Variants in FKBP10 observed in about 807,000 individuals in gnomAD.
FKBP10 encodes the protein peptidyl-prolyl cis-trans isomerase FKBP10.
FKBP10 carries 34 observed loss-of-function variants against 53.7 expected under a neutral mutation model. The observed-to-expected ratio is 0.63, with a 90% CI of 0.48 to 0.84. FKBP10 has a LOEUF of 0.84. Among genes scored for constraint, FKBP10 ranks in the 40% least tolerant of loss-of-function variants. FKBP10 has a pLI of 0.00. For missense variants in FKBP10, 748 were observed against 797.8 expected (o/e 0.94, Z 0.75); for synonymous variants, 324 against 335.7 (o/e 0.97, Z 0.38).
chr17:41,819,821 A>T (rs945512792), intron 6 of FKBP10, 146 bp downstream of exon 6: 1 of 1,537,886 alleles, frequency 6.5e-7, no homozygotes, highest in Non-Finnish European at 8.8e-7. Context: ...TGGTCACCCC[A>T]TCTGATTCCT....
intron 4 of FKBP10, 127 bp downstream of exon 4, chr17:41,818,654 C>G (rs945878626): frequency 1.5e-6 from 2 of 1,304,374 alleles, no homozygotes; most frequent in Admixed American, 2.0e-5. Context: ...GGGATGAAAT[C>G]TACCCTTGGT....
chr17:41,821,665 C>T lies in FKBP10; in HGVS notation c.1411C>T (p.Pro471Ser), dbSNP rs781978984. ...TGCCCTCCCTCCAGCCCGGGGAGTCCCAGGCAGTGCTGTGCTGCTGTTTGA... is the reference window on the plus strand; with the variant it reads ...TGCCCTCCCTCCAGCCCGGGGAGTCTCAGGCAGTGCTGTGCTGCTGTTTGA... ...AHGESGARGV[P>S]GSAVLLFEVE... The change falls in exon 9 of 10, where the codon CCA (proline) becomes TCA (serine). Residue 471 changes from proline to serine, a missense_variant. Coordinates refer to ENST00000321562, the MANE Select transcript of FKBP10 (RefSeq NM_021939.4). The T allele has an allele frequency of 3.1e-6, 5 of 1,613,922 alleles. No individual in the cohort carries two copies. The highest frequency in any genetic ancestry group is 2.5e-6 in the Non-Finnish European group (3 of 1,179,996).
intron 9 of FKBP10, 79 bp downstream of exon 9, chr17:41,821,896 C>A (rs187589104): frequency 1.9e-6 from 3 of 1,573,052 alleles, no homozygotes; most frequent in African/African-American, 2.7e-5. Flanking sequence ...AGACGTCCCC[C>A]GTCCGGACTG....
At position 41,822,420 on chromosome 17, in the gene FKBP10, C is replaced by T. The variant is rs1555617411; in HGVS notation, c.*12C>T. The T allele has an allele frequency of 3.1e-6, 5 of 1,588,772 alleles. No individual in the cohort carries two copies. Among genetic ancestry groups the T allele is most frequent in the Non-Finnish European group, 4.3e-6 (5 of 1,167,340 alleles). On this transcript the variant is annotated 3_prime_UTR_variant, in exon 10 of 10. Coordinates refer to ENST00000321562, the MANE Select transcript of FKBP10 (RefSeq NM_021939.4). ...ACGAGGAGCTCTGAGGGGCAGGGAG[C>T]CTGGCCAGGCCTGAGACACAGAGGC... is the stretch of plus-strand genomic sequence containing the variant.
intron 6 of FKBP10, 66 bp from the exon 7 acceptor site, chr17:41,820,203 T>C (rs782744375): frequency 1.7e-5 from 26 of 1,547,876 alleles, no homozygotes; most frequent in South Asian, 1.3e-4. Flanking sequence ...GGGACCTCCA[T>C]GGAGAGACCT....
intron 2 of FKBP10, among the ~76,000 whole-genome samples, chr17:41,817,777 A>G (rs140530689): frequency 3.2e-3 from 484 of 151,018 alleles, no homozygotes; most frequent in Admixed American, 6.7e-3. Flanking sequence ...ACAGGTGCAC[A>G]CCACCACACG....
chr17:41,820,241 T>C (rs967232814), intron 6 of FKBP10, 28 bp from the exon 7 acceptor site: 31 of 1,612,876 alleles, frequency 1.9e-5, no homozygotes, highest in Non-Finnish European at 2.5e-5. Context: ...TGCTCTGAGC[T>C]GACCACACTC....
intron 2 of FKBP10, among the ~76,000 whole-genome samples, chr17:41,817,829 A>G (rs2047835075): frequency 6.6e-6 from 1 of 151,526 alleles, no homozygotes; most frequent in South Asian, 2.1e-4. Flanking sequence ...GGGTTTCGCC[A>G]TGTTGCGCAG....
chr17:41,822,767 TTC>T lies in FKBP10; in HGVS notation c.*363_*364del, dbSNP rs782601161. On this transcript the variant is annotated 3_prime_UTR_variant, in exon 10 of 10. Transcript: ENST00000321562. The stretch of plus-strand genomic sequence containing the variant: ...AGCTTGTTATCCATCTCCCCAAACT[TTC>T]TCTTTCTTTGTACTTCTTGTCATCC... 14 of 370,210 alleles carry T rather than the reference TTC, an allele frequency of 3.8e-5. No individual in the cohort carries two copies. The highest frequency in any genetic ancestry group is 6.5e-5 in the East Asian group (1 of 15,308). 22.9% of individuals were successfully genotyped at this position (370,210 alleles called of 1,614,324 possible).
intron 1 of FKBP10, among the ~76,000 whole-genome samples, chr17:41,816,659 C>T (rs2047819471): frequency 6.6e-6 from 1 of 152,120 alleles, no homozygotes; most frequent in Non-Finnish European, 1.5e-5. Context: ...ACAGGGGAGA[C>T]AAAGAAGATA....
At chr17:41,813,425 A>G (rs1351958151) in intron 1 of FKBP10, 146 bp downstream of exon 1, 3 of 1,023,908 alleles carry the variant, frequency 2.9e-6, no homozygotes, top group Non-Finnish European at 4.5e-6. Flanking sequence ...CATCTCCCCA[A>G]AGATACCCTC....
chr17:41,813,076 C>G lies in FKBP10; in HGVS notation c.42C>G (p.Leu14=). The change falls in exon 1 of 10, where the codon CTC becomes CTG. Residue 14 remains leucine (L), a synonymous_variant. Coordinates refer to ENST00000321562, the MANE Select transcript of FKBP10 (RefSeq NM_021939.4). ...CCCCCAGCCACAGCCTCCTCCGGCT[C>G]CCCCTGCTGCAGTTGCTGCTACTGG... ...AGPPSHSLLR[L]PLLQLLLLVV... 2 of 1,610,638 alleles carry G rather than the reference C, an allele frequency of 1.2e-6. No individual in the cohort carries two copies. Among genetic ancestry groups the G allele is most frequent in the Non-Finnish European group, 1.7e-6 (2 of 1,179,684 alleles).
At position 41,814,170 on chromosome 17, in the gene FKBP10, T is replaced by G. The variant is rs1341389288; in HGVS notation, c.245+891T>G. Among the ~76,000 whole-genome samples, 5 of 152,276 alleles carry G rather than the reference T, an allele frequency of 3.3e-5. No homozygotes were observed. In the South Asian group the frequency reaches 6.2e-4, roughly 19 times the overall value. ...ACAGCACACTGAAAGAAGTCAGTGT[T>G]TCTTAGACCCTCCTCTGAAACACAC... On this transcript the variant is annotated intron_variant, in intron 1 of 9. Transcript: ENST00000321562.
chr17:41,813,054 C>T lies in FKBP10; in HGVS notation c.20C>T (p.Pro7Leu), dbSNP rs545186456. Reference protein sequence around the residue: MFPAGPPSHSLLRLPLL... With the variant: MFPAGPLSHSLLRLPLL... ...GGCACCATGTTCCCCGCGGGCCCCCCCAGCCACAGCCTCCTCCGGCTCCCC... is the reference window on the plus strand; with the variant it reads ...GGCACCATGTTCCCCGCGGGCCCCCTCAGCCACAGCCTCCTCCGGCTCCCC... The change falls in exon 1 of 10, where the codon CCC becomes CTC. Residue 7 changes from proline to leucine, a missense_variant. Physicochemically the swap from Pro to Leu is moderately conservative, Grantham distance 98. Transcript: ENST00000321562. 1 of 1,610,266 alleles carries T rather than the reference C, an allele frequency of 6.2e-7. No individual in the cohort carries two copies. Among genetic ancestry groups the T allele is most frequent in the Non-Finnish European group, 8.5e-7 (1 of 1,179,668 alleles).
At position 41,822,232 on chromosome 17, in the gene FKBP10, TTCA is replaced by T. The variant is rs2047901488; in HGVS notation, c.1577_1579del (p.Ile526del). 1.2e-6 allele frequency: 2 copies of T among 1,612,774 alleles called. No homozygotes were observed. Among genetic ancestry groups the T allele is most frequent in the Non-Finnish European group, 1.7e-6 (2 of 1,179,460 alleles). On this transcript the variant is annotated inframe_deletion, in exon 10 of 10. Coordinates refer to ENST00000321562, the MANE Select transcript of FKBP10 (RefSeq NM_021939.4). ...CTCTCCCCTGCCCCAGTTCTCCACC[TTCA>T]TCAAGGCTCAAGTGAGTGAGGGCAA...
chr17:41,814,578 G>C (rs1555615862), intron 1 of FKBP10, among the ~76,000 whole-genome samples: 1 of 152,182 alleles, frequency 6.6e-6, no homozygotes, highest in Non-Finnish European at 1.5e-5. Context: ...AAACAGTCCA[G>C]ACTTAAAACC....
intron 1 of FKBP10, among the ~76,000 whole-genome samples, chr17:41,813,838 G>A (rs1352563397): frequency 2.7e-5 from 4 of 150,676 alleles, no homozygotes; most frequent in East Asian, 1.9e-4. Flanking sequence ...TGGGGGTAGC[G>A]CGTGGCTCCC....
At chr17:41,819,925 GT>G in intron 6 of FKBP10, 1 of 1,538,652 alleles carries the variant, frequency 6.5e-7, no homozygotes, top group Non-Finnish European at 8.8e-7. Flanking sequence ...AGGGAGGGTG[GT>G]TATGGAAAAA....
intron 7 of FKBP10, 125 bp from the exon 8 acceptor site, chr17:41,820,822 G>T: frequency 7.3e-7 from 1 of 1,367,424 alleles, no homozygotes; most frequent in Non-Finnish European, 9.9e-7. Flanking sequence ...CTGCTGCGTG[G>T]CCCAAGTCAC....
Sources: gnomAD v4.1 joint callset for allele counts (sites outside exome capture counted in the v4.1 genomes callset) on GRCh38, gnomAD v4.1.1 for gene constraint, MANE v1.5 for transcripts, NCBI Gene and HGNC (gene_info 2026-07-23, HGNC 2026-07-21) for gene names.